The following ALKBH8 variants were observed in gnomAD, a reference collection of about 807,000 sequenced individuals.
The protein encoded by ALKBH8 is tRNA (carboxymethyluridine(34)-5-O)-methyltransferase ALKBH8.
ALKBH8 carries 36 observed loss-of-function variants against 59.8 expected under a neutral mutation model. The observed-to-expected ratio is 0.60, with a 90% CI of 0.46 to 0.79. The LOEUF (loss-of-function observed/expected upper bound fraction) is 0.79. ALKBH8 is among the 30% of genes least tolerant of loss of function. The probability of loss-of-function intolerance (pLI) is 0.00; values close to 1 mark genes in which losing one functional copy is unlikely to be tolerated. For synonymous variants in ALKBH8, 276 were observed against 273.6 expected (o/e 1.01, Z -0.09); for missense variants, 768 against 801.0 (o/e 0.96, Z 0.50).
Position 107,565,687 on chromosome 11 carries a change from G to A in ALKBH8, c.-93C>T, listed in dbSNP as rs1865107745. ...CACTCTAGCACCAGAACACCGCAGC[G>A]GATACTTGCACGCCATCTCCCCTGG... On this transcript the variant is annotated 5_prime_UTR_variant, in exon 1 of 12. Transcript: ENST00000428149. 2.0e-6 allele frequency: 3 copies of A among 1,534,858 alleles called. No individual in the cohort carries two copies. Among genetic ancestry groups the A allele is most frequent in the East Asian group, 2.4e-5 (1 of 40,926 alleles).
chr11:107,507,982 T>G (rs1013965062), intron 11 of ALKBH8, among the ~76,000 whole-genome samples: 18 of 152,160 alleles, frequency 1.2e-4, no homozygotes, highest in African/African-American at 4.3e-4. Context: ...GTTAGACCTT[T>G]CAATGACTCT....
intron 6 of ALKBH8, 111 bp downstream of exon 6, chr11:107,551,694 CAAA>C (rs1204968155): frequency 2.0e-3 from 481 of 239,472 alleles, no homozygotes; most frequent in South Asian, 3.8e-3. Flanking sequence ...AACTCCATCT[CAAA>C]AAAAAAAAAA....
At chr11:107,529,686 G>A (rs556112507) in intron 8 of ALKBH8, among the ~76,000 whole-genome samples, 1 of 146,842 alleles carries the variant, frequency 6.8e-6, no homozygotes, top group African/African-American at 2.7e-5. Context: ...TGTATTTTTA[G>A]TAGAGACGGG....
chr11:107,559,144 A>C (rs1272388403), intron 2 of ALKBH8, among the ~76,000 whole-genome samples: 2 of 152,172 alleles, frequency 1.3e-5, no homozygotes, highest in African/African-American at 4.8e-5. Flanking sequence ...CCGCCATGTA[A>C]GCCAGGACTT....
At chr11:107,519,126 A>G (rs1241826989) in intron 10 of ALKBH8, among the ~76,000 whole-genome samples, 1 of 150,956 alleles carries the variant, frequency 6.6e-6, no homozygotes, top group African/African-American at 2.4e-5. Flanking sequence ...TTTTTTTGAG[A>G]CAGAGTCTCA....
chr11:107,542,954 T>C (rs905725950), intron 7 of ALKBH8, among the ~76,000 whole-genome samples: 3 of 151,926 alleles, frequency 2.0e-5, no homozygotes. Flanking sequence ...CTAATGACAG[T>C]GGGGTCATTA....
chr11:107,529,998 C>T (rs968410780), intron 8 of ALKBH8, among the ~76,000 whole-genome samples: 3 of 152,146 alleles, frequency 2.0e-5, no homozygotes, highest in African/African-American at 7.2e-5. Flanking sequence ...TAGTGACACA[C>T]AGTTTCAGGT....
At chr11:107,526,414 C>CT (rs1227540865) in intron 8 of ALKBH8, among the ~76,000 whole-genome samples, 4 of 151,842 alleles carry the variant, frequency 2.6e-5, no homozygotes, top group Admixed American at 2.6e-4. Flanking sequence ...CACATAGATC[C>CT]TTTTTTGATA....
In ALKBH8 at chr11:107,522,255, A is replaced by T. The variant is rs1178546927; in HGVS notation, c.1287+44T>A. 3 of 1,542,898 alleles carry T rather than the reference A, an allele frequency of 1.9e-6. No individual in the cohort carries two copies. In the Admixed American group the frequency reaches 6.0e-5, roughly 31 times the overall value. ...ATGAGGAAGAAAGATGATGATAACC[A>T]CTGCAAATTAAGCAAAAAGAAAGTC... is the stretch of plus-strand genomic sequence containing the variant. On this transcript the variant is annotated intron_variant, in intron 10 of 11. Transcript: ENST00000428149.
Position 107,525,516 on chromosome 11 carries a change from C to T in ALKBH8, c.955G>A (p.Asp319Asn). Residue 319 changes from aspartate to asparagine, a missense_variant, in exon 9 of 12, where the codon GAC (aspartate) becomes AAC (asparagine). Coordinates refer to ENST00000428149, the MANE Select transcript of ALKBH8 (RefSeq NM_138775.3). ...KSGIITSDVGDLTLSKRGLRT... is the reference protein window; with the variant it reads ...KSGIITSDVGNLTLSKRGLRT... ...AGTCCCCTCTTGCTTAAAGTTAAGTCTCCAACATCACTGGTGATAATTCCA... is the reference window on the plus strand; with the variant it reads ...AGTCCCCTCTTGCTTAAAGTTAAGTTTCCAACATCACTGGTGATAATTCCA... The T allele has an allele frequency of 6.5e-7, 1 of 1,539,808 alleles. No homozygotes were observed. The highest frequency in any genetic ancestry group is 8.8e-7 in the Non-Finnish European group (1 of 1,142,102).
Position 107,504,135 on chromosome 11 carries a change from T to C in ALKBH8, c.*523A>G, listed in dbSNP as rs898772494. On this transcript the variant is annotated 3_prime_UTR_variant, in exon 12 of 12. Transcript: ENST00000428149. ...AACTCCTACTAAGTTCTGGGTATTA[T>C]CTGATTGACTAAACGTTATTGGACA... is the stretch of plus-strand genomic sequence containing the variant. 3 of 191,692 alleles carry C rather than the reference T, an allele frequency of 1.6e-5. No individual in the cohort carries two copies. Among genetic ancestry groups the C allele is most frequent in the African/African-American group, 7.0e-5 (3 of 42,910 alleles). The allele number at this position is 191,692 out of a possible 1,614,324, so 11.9% of individuals were successfully genotyped here.
chr11:107,553,787 G>C, intron 4 of ALKBH8, 60 bp downstream of exon 4: 1 of 1,542,022 alleles, frequency 6.5e-7, no homozygotes, highest in South Asian at 1.2e-5. Context: ...GAAAGACAGA[G>C]GAAAGGAAGA....
At chr11:107,561,884 T>C (rs1864953086) in intron 1 of ALKBH8, among the ~76,000 whole-genome samples, 2 of 152,248 alleles carry the variant, frequency 1.3e-5, no homozygotes, top group South Asian at 4.1e-4. Flanking sequence ...ACATAGTTTA[T>C]GCTTTCAACA....
chr11:107,532,467 A>G (rs1249561056), intron 7 of ALKBH8, 61 bp from the exon 8 acceptor site: 8 of 1,309,054 alleles, frequency 6.1e-6, no homozygotes. Flanking sequence ...CAAGGATAAG[A>G]ATGATTAATA....
chr11:107,557,713 G>GT (rs1565349913), intron 2 of ALKBH8, among the ~76,000 whole-genome samples: 1 of 152,116 alleles, frequency 6.6e-6, no homozygotes, highest in African/African-American at 2.4e-5. Context: ...TTTTTCCTTT[G>GT]TAAGTTTCAC....
At chr11:107,543,078 T>A (rs1864110701) in intron 7 of ALKBH8, among the ~76,000 whole-genome samples, 1 of 152,122 alleles carries the variant, frequency 6.6e-6, no homozygotes, top group Admixed American at 6.5e-5. Context: ...CAAGTTAAAA[T>A]CCCTTTTAGA....
At chr11:107,553,715 G>T in intron 4 of ALKBH8, 132 bp downstream of exon 4, 1 of 917,348 alleles carries the variant, frequency 1.1e-6, no homozygotes, top group Non-Finnish European at 1.6e-6. Context: ...TTGTTGGTAT[G>T]ACTTGCCTAA....
intron 8 of ALKBH8, among the ~76,000 whole-genome samples, chr11:107,529,410 G>T (rs494029): frequency 1.3e-5 from 2 of 151,840 alleles, no homozygotes; most frequent in Non-Finnish European, 2.9e-5. Context: ...GAAATATATT[G>T]TTTATCATAG....
chr11:107,529,568 G>A (rs556942310), intron 8 of ALKBH8, among the ~76,000 whole-genome samples: 5 of 151,590 alleles, frequency 3.3e-5, no homozygotes, highest in African/African-American at 4.8e-5. Flanking sequence ...GCAGTGACGC[G>A]ATCTTGGCTC....
Sources: allele counts gnomAD v4.1 joint callset (sites outside exome capture counted in the v4.1 genomes callset), GRCh38; gene constraint gnomAD v4.1.1; transcripts MANE v1.5; gene names NCBI Gene and HGNC (gene_info 2026-07-23, HGNC 2026-07-21).